The following CNNM3 variants were observed in gnomAD, a reference collection of about 807,000 sequenced individuals.
The protein encoded by CNNM3 is cyclin and CBS domain divalent metal cation transport mediator 3, also known as metal transporter CNNM3.
In CNNM3, 47 loss-of-function variants were observed where a neutral mutation model predicts 57.1. The ratio of observed to expected loss-of-function variants is 0.82; its 90% confidence interval spans 0.65 to 1.05. CNNM3 has a LOEUF of 1.05. CNNM3 is among the 50% of genes least tolerant of loss of function. CNNM3 has a pLI of 0.00. For missense variants in CNNM3, 957 were observed against 973.7 expected, an observed-to-expected ratio of 0.98 and a Z score of 0.23; for synonymous variants, 507 against 478.2, an observed-to-expected ratio of 1.06 and a Z score of -0.79.
intron 1 of CNNM3, among the ~76,000 whole-genome samples, chr2:96,822,001 TA>T (rs1398449503): frequency 3.3e-5 from 5 of 150,420 alleles, no homozygotes; most frequent in South Asian, 2.1e-4. Context: ...TTATTATTAT[TA>T]TTATTTTTTT....
chr2:96,828,368 G>A (rs968535054), intron 5 of CNNM3, 173 bp downstream of exon 5: 17 of 824,214 alleles, frequency 2.1e-5, no homozygotes, highest in Admixed American at 7.5e-5. Flanking sequence ...ATTCTTCATC[G>A]CTCAACTTTG....
chr2:96,818,696 G>T (rs1324113324), intron 1 of CNNM3, among the ~76,000 whole-genome samples: 3 of 152,312 alleles, frequency 2.0e-5, no homozygotes, highest in African/African-American at 7.2e-5. Context: ...TTCTTCTGCA[G>T]TCCTCTCCAA....
At chr2:96,831,715 C>T (rs1297312763) in intron 7 of CNNM3, among the ~76,000 whole-genome samples, 1 of 152,160 alleles carries the variant, frequency 6.6e-6, no homozygotes, top group African/African-American at 2.4e-5. Flanking sequence ...CACGTCAGTT[C>T]TTCATGGAAC....
In CNNM3 at chr2:96,833,251, CTTCTGA is replaced by C; in HGVS notation, c.*642_*647del. ...CCCTGCTCCCTCCCTGGAGGCTGCT[CTTCTGA>C]TTCTGAGAGCTGGCCTAGTGGTGCT... On this transcript the variant is annotated 3_prime_UTR_variant, in exon 8 of 8. Coordinates refer to ENST00000305510, the MANE Select transcript of CNNM3 (RefSeq NM_017623.5). 1 of 344,770 alleles carries C rather than the reference CTTCTGA, an allele frequency of 2.9e-6. No individual in the cohort carries two copies. The highest frequency in any genetic ancestry group is 8.0e-5 in the East Asian group (1 of 12,566). 21.4% of individuals were successfully genotyped at this position (344,770 alleles called of 1,614,324 possible).
intron 1 of CNNM3, 78 bp from the exon 2 acceptor site, chr2:96,824,980 G>T: frequency 6.5e-7 from 1 of 1,536,106 alleles, no homozygotes; most frequent in Admixed American, 1.7e-5. Flanking sequence ...GTGTCCTTTT[G>T]GTGGGCCTAT....
At chr2:96,831,427 A>G (rs1023765014) in intron 7 of CNNM3, among the ~76,000 whole-genome samples, 1 of 152,090 alleles carries the variant, frequency 6.6e-6, no homozygotes, top group Non-Finnish European at 1.5e-5. Flanking sequence ...GCCTTTTTTG[A>G]GACTTGGAAG....
At position 96,835,379 on chromosome 2, in the gene CNNM3, T is replaced by C. The variant is rs1351571352; in HGVS notation, c.*2763T>C. Among the ~76,000 whole-genome samples, 1 of 152,248 alleles carries C rather than the reference T, an allele frequency of 6.6e-6. No individual in the cohort carries two copies. The highest frequency in any genetic ancestry group is 1.5e-5 in the Non-Finnish European group (1 of 68,050). On this transcript the variant is annotated 3_prime_UTR_variant, in exon 8 of 8. Coordinates refer to ENST00000305510, the MANE Select transcript of CNNM3 (RefSeq NM_017623.5). ...CAAATAAAGCTGCTACGACTATTCA[T>C]GTACAGGTTTCTGTGTCAGGATTAG...
chr2:96,820,336 G>A (rs572666387), intron 1 of CNNM3, among the ~76,000 whole-genome samples: 12 of 152,294 alleles, frequency 7.9e-5, no homozygotes, highest in African/African-American at 2.4e-4. Flanking sequence ...ACTAAGGGCC[G>A]GGCGTGGGGA....
intron 1 of CNNM3, chr2:96,824,475 T>A (rs1214362707): frequency 1.3e-5 from 2 of 154,804 alleles, no homozygotes; most frequent in East Asian, 3.8e-4. Flanking sequence ...CTGTCTATCT[T>A]TCTATCTCTT....
At position 96,816,307 on chromosome 2, in the gene CNNM3, G is replaced by C; in HGVS notation, c.30G>C (p.Arg10=). 3.1e-6 allele frequency: 4 copies of C among 1,289,164 alleles called. No homozygotes were observed. Among genetic ancestry groups the C allele is most frequent in the South Asian group, 2.5e-5 (1 of 39,230 alleles). The allele number at this position is 1,289,164 out of a possible 1,614,324, so 79.9% of individuals were successfully genotyped here. A position where few individuals can be genotyped will look rare whatever the true frequency, so the allele number is the denominator to read the frequency against. The change falls in exon 1 of 8, where the codon CGG becomes CGC. Residue 10 remains arginine, a synonymous_variant. Coordinates refer to ENST00000305510, the MANE Select transcript of CNNM3 (RefSeq NM_017623.5). ...CGGCGGCGGTAGCTGCGGCGGGTCG[G>C]TTAGGCTGGTTGTTCGCCGCGCTCT... MAAAVAAAG[R]LGWLFAALCL... is the part of the protein sequence containing the mutation.
chr2:96,826,272 G>A (rs910333437), intron 2 of CNNM3, among the ~76,000 whole-genome samples: 5 of 151,978 alleles, frequency 3.3e-5, no homozygotes, highest in African/African-American at 9.7e-5. Flanking sequence ...GAGTACAGTG[G>A]CGCATTCATG....
At chr2:96,820,491 G>A (rs2079389570) in intron 1 of CNNM3, among the ~76,000 whole-genome samples, 1 of 152,152 alleles carries the variant, frequency 6.6e-6, no homozygotes, top group South Asian at 2.1e-4. Context: ...CAGCCTCCTA[G>A]GAGCACAGGT....
intron 7 of CNNM3, among the ~76,000 whole-genome samples, chr2:96,829,904 G>A (rs1479752556): frequency 6.6e-6 from 1 of 152,110 alleles, no homozygotes; most frequent in East Asian, 1.9e-4. Context: ...ACACTAGAAG[G>A]GCATTTGTGA....
intron 1 of CNNM3, among the ~76,000 whole-genome samples, chr2:96,820,011 G>T (rs1446142603): frequency 1.3e-5 from 2 of 152,230 alleles, no homozygotes; most frequent in Non-Finnish European, 2.9e-5. Flanking sequence ...ATGTCCCCTG[G>T]CGGGGGGGCT....
At chr2:96,832,172 C>A in intron 7 of CNNM3, 2 of 1,016,462 alleles carry the variant, frequency 2.0e-6, no homozygotes, top group Non-Finnish European at 2.4e-6. Context: ...CATTTTTCTC[C>A]AGGGGTGTGG....
chr2:96,829,113 G>C lies in CNNM3; in HGVS notation c.2038G>C (p.Glu680Gln). 2 of 1,613,956 alleles carry C rather than the reference G, an allele frequency of 1.2e-6. No individual in the cohort carries two copies. Among genetic ancestry groups the C allele is most frequent in the Non-Finnish European group, 1.7e-6 (2 of 1,180,000 alleles). Residue 680 changes from glutamate to glutamine, a missense_variant, in exon 7 of 8, where the codon GAG (glutamate) becomes CAG (glutamine). Glu to Gln is a conservative substitution (Grantham distance 29, BLOSUM62 2). Coordinates refer to ENST00000305510, the MANE Select transcript of CNNM3 (RefSeq NM_017623.5). Reference sequence around the variant, plus strand: ...AGGCAGCCAGACCAGGCTCCTTGGTGAGAAGACCACCACAGCGGCAGGTGA... The same window carrying C: ...AGGCAGCCAGACCAGGCTCCTTGGTCAGAAGACCACCACAGCGGCAGGTGA... ...IPGSQTRLLG[E>Q]KTTTAAGSSH...
chr2:96,822,966 G>A (rs1397372224), intron 1 of CNNM3, among the ~76,000 whole-genome samples: 1 of 152,192 alleles, frequency 6.6e-6, no homozygotes, highest in Non-Finnish European at 1.5e-5. Context: ...GCTCCTTGGA[G>A]CTGGCCTGTG....
In CNNM3 at chr2:96,834,954, A is replaced by C. The variant is rs1227412589; in HGVS notation, c.*2338A>C. ...TAGTTTCCCTCCATGGTTACATCTTATATGGTTGTAATGCAGTATTCCAAC... is the reference window on the plus strand; with the variant it reads ...TAGTTTCCCTCCATGGTTACATCTTCTATGGTTGTAATGCAGTATTCCAAC... On this transcript the variant is annotated 3_prime_UTR_variant, in exon 8 of 8. Transcript: ENST00000305510. 1.3e-5 allele frequency among the ~76,000 whole-genome samples: 2 copies of C among 152,182 alleles called. No individual in the cohort carries two copies. The highest frequency in any genetic ancestry group is 4.8e-5 in the African/African-American group (2 of 41,420).
chr2:96,831,176 A>G (rs191646631), intron 7 of CNNM3, among the ~76,000 whole-genome samples: 2 of 152,292 alleles, frequency 1.3e-5, no homozygotes, highest in Admixed American at 1.3e-4. Context: ...TCTAGACACA[A>G]TGTTGGTTAT....
Sources: allele counts gnomAD v4.1 joint callset (sites outside exome capture counted in the v4.1 genomes callset), GRCh38; gene constraint gnomAD v4.1.1; transcripts MANE v1.5; gene names NCBI Gene and HGNC (gene_info 2026-07-23, HGNC 2026-07-21).